ZNF148: variants seen among roughly 807,000 people sequenced by gnomAD.
ZNF148 encodes the protein zinc finger protein 148.
A neutral mutation model predicts 67.7 loss-of-function variants in ZNF148; 7 were observed. The observed-to-expected ratio is 0.10, with a 90% CI of 0.06 to 0.19. The LOEUF (loss-of-function observed/expected upper bound fraction) is 0.19. Ranked by LOEUF, ZNF148 falls within the 10% of genes least tolerant of loss-of-function variation. ZNF148 has a pLI of 1.00. For synonymous variants in ZNF148, 333 were observed against 330.7 expected (o/e 1.01, Z -0.08); for missense variants, 583 against 947.1 (o/e 0.62, Z 5.05).
At chr3:125,258,240 G>A (rs1937179116) in intron 7 of ZNF148, among the ~76,000 whole-genome samples, 2 of 151,754 alleles carry the variant, frequency 1.3e-5, no homozygotes, top group African/African-American at 2.4e-5. Flanking sequence ...GGCTAACACG[G>A]TGAAACCCCA....
chr3:125,346,148 G>A (rs1941933350), intron 1 of ZNF148, among the ~76,000 whole-genome samples: 1 of 152,208 alleles, frequency 6.6e-6, no homozygotes. Flanking sequence ...ATTTATCTCA[G>A]AAATGCAAGG....
intron 1 of ZNF148, among the ~76,000 whole-genome samples, chr3:125,340,866 T>C (rs1373544119): frequency 2.0e-5 from 3 of 150,084 alleles, no homozygotes; most frequent in African/African-American, 7.3e-5. Flanking sequence ...CGGGCGCCTG[T>C]AGTCCCAGCT....
intron 1 of ZNF148, among the ~76,000 whole-genome samples, chr3:125,365,566 C>A (rs1942676027): frequency 6.6e-6 from 1 of 152,150 alleles, no homozygotes; most frequent in Admixed American, 6.5e-5. Context: ...ACCTGTAATC[C>A]CAACACTTTG....
rs74874692 is a variant in ZNF148 at position 125,310,663 on chromosome 3, A to C, written c.333+2645T>G. Among the ~76,000 whole-genome samples the C allele has an allele frequency of 1.2e-4, 18 of 152,286 alleles. No individual in the cohort carries two copies. The East Asian group carries it at 3.3e-3, about 28-fold the overall frequency. ...GAAATAGAGGGAAAAAAATCAAGAA[A>C]ATCAAAAGCTGTTTCTTTGAAAATA... On this transcript the variant is annotated intron_variant, in intron 4 of 8. Coordinates refer to ENST00000360647, the MANE Select transcript of ZNF148 (RefSeq NM_021964.3).
At chr3:125,262,043 T>C (rs754021886) in intron 7 of ZNF148, among the ~76,000 whole-genome samples, 18 of 152,174 alleles carry the variant, frequency 1.2e-4, no homozygotes, top group Non-Finnish European at 1.9e-4. Flanking sequence ...TTCTCTTTTA[T>C]AGGGCTTCAA....
Position 125,307,912 on chromosome 3 carries a change from C to T in ZNF148, c.333+5396G>A, listed in dbSNP as rs545512500. Among the ~76,000 whole-genome samples, 18 of 151,808 alleles carry T rather than the reference C, an allele frequency of 1.2e-4. 1 individual carries two copies. The highest frequency in any genetic ancestry group is 2.4e-4 in the Non-Finnish European group (16 of 67,982). On this transcript the variant is annotated intron_variant, in intron 4 of 8. Transcript: ENST00000360647. ...AGCAATCCCTTGCCTGCCTCGGCCC[C>T]CTAAAGTGCTGAGATTACAGGCATT... is the stretch of plus-strand genomic sequence containing the variant.
chr3:125,272,148 T>C (rs777720393), intron 7 of ZNF148, among the ~76,000 whole-genome samples: 16 of 152,224 alleles, frequency 1.1e-4, no homozygotes, highest in Non-Finnish European at 2.1e-4. Context: ...ACTTAAGTTC[T>C]ATCTCTTCCA....
intron 1 of ZNF148, among the ~76,000 whole-genome samples, chr3:125,358,851 T>C (rs1421231116): frequency 6.6e-6 from 1 of 152,236 alleles, no homozygotes; most frequent in African/African-American, 2.4e-5. Context: ...TTCTCAATTT[T>C]ACAGGGAAAA....
intron 4 of ZNF148, among the ~76,000 whole-genome samples, chr3:125,290,297 T>G (rs980710435): frequency 6.6e-6 from 1 of 152,162 alleles, no homozygotes. Flanking sequence ...CCACTCCCTA[T>G]GCCGGTTCTT....
At chr3:125,292,355 C>G (rs1939063257) in intron 4 of ZNF148, 1 of 152,196 alleles carries the variant, frequency 6.6e-6, no homozygotes, top group African/African-American at 2.4e-5. Flanking sequence ...TGATCTATTT[C>G]CCTATTACAT....
At position 125,233,987 on chromosome 3, in the gene ZNF148, C is replaced by A. The variant is rs762135248; in HGVS notation, c.787-48G>T. 5 of 1,519,936 alleles carry A rather than the reference C, an allele frequency of 3.3e-6. No individual in the cohort carries two copies. The highest frequency in any genetic ancestry group is 1.4e-5 in the South Asian group (1 of 73,468). The allele number at this position is 1,519,936 out of a possible 1,614,324, so 94.2% of individuals were successfully genotyped here. On this transcript the variant is annotated intron_variant, in intron 8 of 8. Transcript: ENST00000360647. This position sits in a 1 kb window ranked among gnomAD's most constrained non-coding sequence, Gnocchi z 5.1. ...GTGGGTTGTTTGTGGTTTTGGTCAA[C>A]CAAGAAAAGAAAAAGTGAAACAAAA...
chr3:125,317,145 T>C (rs548582664), intron 3 of ZNF148, among the ~76,000 whole-genome samples: 42 of 152,176 alleles, frequency 2.8e-4, no homozygotes, highest in Non-Finnish European at 5.6e-4. Context: ...CTTATTCCTA[T>C]GGCCCCAAAT....
intron 3 of ZNF148, among the ~76,000 whole-genome samples, chr3:125,322,443 G>C (rs1159972034): frequency 6.6e-6 from 1 of 151,954 alleles, no homozygotes; most frequent in East Asian, 1.9e-4. Context: ...TGGCTGCCTA[G>C]GTCAGAGTCA....
At chr3:125,321,316 T>C (rs184720788) in intron 3 of ZNF148, among the ~76,000 whole-genome samples, 10 of 152,246 alleles carry the variant, frequency 6.6e-5, no homozygotes, top group Admixed American at 5.9e-4. Context: ...CAAATATCTA[T>C]TTCAATAGCT....
intron 7 of ZNF148, among the ~76,000 whole-genome samples, chr3:125,234,994 T>C (rs545781946): frequency 2.6e-5 from 4 of 152,170 alleles, no homozygotes; most frequent in Non-Finnish European, 4.4e-5. Context: ...GTCAGGTGTG[T>C]TATCCATTGT....
intron 1 of ZNF148, among the ~76,000 whole-genome samples, chr3:125,360,181 T>G (rs1468846175): frequency 6.6e-6 from 1 of 152,158 alleles, no homozygotes; most frequent in African/African-American, 2.4e-5. Context: ...TCATTTCCAG[T>G]CCATCTATTT....
intron 7 of ZNF148, among the ~76,000 whole-genome samples, chr3:125,260,152 G>C (rs931580672): frequency 1.3e-5 from 2 of 152,068 alleles, no homozygotes; most frequent in Non-Finnish European, 2.9e-5. Flanking sequence ...AAAGATCACC[G>C]ATCACAAATC....
intron 6 of ZNF148, 110 bp downstream of exon 6, chr3:125,279,014 G>T: frequency 8.6e-7 from 1 of 1,165,790 alleles, no homozygotes. Context: ...TCTCTGATTT[G>T]GAATGCCAGA....
At chr3:125,336,379 G>C (rs1027639038) in intron 1 of ZNF148, among the ~76,000 whole-genome samples, 1 of 152,108 alleles carries the variant, frequency 6.6e-6, no homozygotes, top group Non-Finnish European at 1.5e-5. Flanking sequence ...GATTTAATGA[G>C]CCTTTCTGAA....
Sources: gnomAD v4.1 joint callset for allele counts (sites outside exome capture counted in the v4.1 genomes callset) on GRCh38, gnomAD v4.1.1 for gene constraint, Gnocchi (gnomAD v3.1) non-coding constraint, MANE v1.5 for transcripts, NCBI Gene and HGNC (gene_info 2026-07-23, HGNC 2026-07-21) for gene names.